The following PAK4 variants were observed in gnomAD, a reference collection of about 807,000 sequenced individuals.
PAK4 encodes serine/threonine-protein kinase PAK 4.
Under a neutral mutation model 53.5 loss-of-function variants are expected in PAK4, and 49 were observed. The ratio of observed to expected loss-of-function variants is 0.92; its 90% confidence interval spans 0.73 to 1.16. The LOEUF (loss-of-function observed/expected upper bound fraction) is 1.16. PAK4 is among the 50% of genes most tolerant of loss of function. PAK4 has a pLI of 0.00. For missense variants in PAK4, 824 were observed against 850.7 expected (o/e 0.97, Z 0.39); for synonymous variants, 376 against 375.6 (o/e 1.00, Z -0.01).
At chr19:39,133,178 C>T (rs189650669) in intron 1 of PAK4, among the ~76,000 whole-genome samples, 6 of 152,300 alleles carry the variant, frequency 3.9e-5, no homozygotes, top group East Asian at 1.9e-4. Flanking sequence ...TCTCTGTGCC[C>T]GGGTGTCCTC....
intron 2 of PAK4, 84 bp from the exon 4 acceptor site, chr19:39,172,834 C>G: frequency 2.6e-6 from 3 of 1,140,702 alleles, no homozygotes; most frequent in Non-Finnish European, 3.7e-6. Context: ...GTGTGTCGTG[C>G]TGTCCTGTCC....
chr19:39,135,786 G>GCCCCCC lies in PAK4; in HGVS notation c.-23+9872_-23+9873insCCCCCC, dbSNP rs147307039. On this transcript the variant is annotated intron_variant, in intron 1 of 8. Coordinates refer to ENST00000358301, the Ensembl canonical transcript of PAK4. Reference sequence around the variant, plus strand: ...AGATAAGCCGGGCTGGAGGCTCCCGGCCCCCATCTTCCCACAGTGACCCCA... The same window carrying GCCCCCC: ...AGATAAGCCGGGCTGGAGGCTCCCGGCCCCCCCCCCCATCTTCCCACAGTGACCCCA... 2.0e-3 allele frequency among the ~76,000 whole-genome samples: 304 copies of GCCCCCC among 149,012 alleles called. 1 individual carries two copies. Among genetic ancestry groups the GCCCCCC allele is most frequent in the East Asian group, 0.012 (58 of 4,860 alleles).
rs912544068 is a variant in PAK4 at position 39,174,038 on chromosome 19, G to C, written c.1098+28G>C. Reference sequence around the variant, plus strand: ...GCGGGCGCTGCTGCCCTGCCGCCCTGCTGGTCCTCCCACCCCTCCCTCCCA... The same window carrying C: ...GCGGGCGCTGCTGCCCTGCCGCCCTCCTGGTCCTCCCACCCCTCCCTCCCA... On this transcript the variant is annotated intron_variant, in intron 4 of 8. Transcript: ENST00000358301. The C allele has an allele frequency of 2.7e-6, 4 of 1,460,206 alleles. No individual in the cohort carries two copies. In the African/African-American group the frequency reaches 5.6e-5, roughly 21 times the overall value. 90.5% of individuals were successfully genotyped at this position (1,460,206 alleles called of 1,614,324 possible). A position where few individuals can be genotyped will look rare whatever the true frequency, so the allele number is the denominator to read the frequency against.
chr19:39,150,623 C>T (rs1302516167), intron 1 of PAK4, among the ~76,000 whole-genome samples: 1 of 152,110 alleles, frequency 6.6e-6, no homozygotes. Context: ...GGTGGAGTGG[C>T]TCCCACCTGT....
At chr19:39,131,206 G>A (rs2073704023) in intron 1 of PAK4, among the ~76,000 whole-genome samples, 1 of 152,186 alleles carries the variant, frequency 6.6e-6, no homozygotes, top group Non-Finnish European at 1.5e-5. Flanking sequence ...CCCTCCCGTG[G>A]TTTGGAACTG....
chr19:39,147,841 G>GTTTTTTTTTT (rs35845376), intron 1 of PAK4, among the ~76,000 whole-genome samples: 7 of 13,236 alleles, frequency 5.3e-4, no homozygotes, highest in African/African-American at 2.1e-3. Flanking sequence ...TTGTTTTCGG[G>GTTTTTTTTTT]TTTTTTTTTT....
Position 39,173,343 on chromosome 19 carries a change from G to T in PAK4, c.630G>T (p.Arg210Ser). 6.4e-7 allele frequency: 1 copy of T among 1,560,614 alleles called. No individual in the cohort carries two copies. Among genetic ancestry groups the T allele is most frequent in the Non-Finnish European group, 8.7e-7 (1 of 1,150,738 alleles). The change falls in exon 3 of 9, where the codon AGG becomes AGT. Residue 210 changes from arginine to serine, a missense_variant. Physicochemically the swap from Arg to Ser is moderately radical, Grantham distance 110. Coordinates refer to ENST00000358301, the Ensembl canonical transcript of PAK4. This position sits in a 1 kb window ranked among gnomAD's most constrained non-coding sequence, Gnocchi z 6.9. ...GCCGGCCCTTTAACACCTACCCGAGGGCTGACACGGACCACCCATCCCGGG... is the reference window on the plus strand; with the variant it reads ...GCCGGCCCTTTAACACCTACCCGAGTGCTGACACGGACCACCCATCCCGGG...
At chr19:39,170,256 C>T (rs905928849) in intron 2 of PAK4, among the ~76,000 whole-genome samples, 1 of 152,080 alleles carries the variant, frequency 6.6e-6, no homozygotes, top group Admixed American at 6.5e-5. Context: ...AGGCAGAGCC[C>T]AGGGCTGAGG....
rs1018242088 is a variant in PAK4, at chr19:39,178,097, C to T, written c.1620+288C>T. ...TTAGAAGTGGAGGACAGGGCCGGGA[C>T]CTTCCTAGTGGAGGACTTGCCAGGA... On this transcript the variant is annotated intron_variant, in intron 8 of 8. Coordinates refer to ENST00000358301, the Ensembl canonical transcript of PAK4. The surrounding 1 kb of genome is among the most constrained non-coding windows in gnomAD (Gnocchi z 4.4). Among the ~76,000 whole-genome samples the T allele has an allele frequency of 1.3e-5, 2 of 152,116 alleles. No homozygotes were observed. The highest frequency in any genetic ancestry group is 2.9e-5 in the Non-Finnish European group (2 of 68,002).
intron 1 of PAK4, among the ~76,000 whole-genome samples, chr19:39,157,953 C>T (rs907453915): frequency 3.3e-5 from 5 of 152,190 alleles, no homozygotes; most frequent in Non-Finnish European, 5.9e-5. Context: ...CAGCTGCGGA[C>T]ATCTTGCATG....
intron 1 of PAK4, among the ~76,000 whole-genome samples, chr19:39,152,790 G>C (rs2074114411): frequency 6.6e-6 from 1 of 152,142 alleles, no homozygotes; most frequent in Non-Finnish European, 1.5e-5. Flanking sequence ...TCCCATTGGG[G>C]GTCTTGGAAC....
At chr19:39,126,435 T>C (rs1043214824) in intron 1 of PAK4, among the ~76,000 whole-genome samples, 1 of 25,672 alleles carries the variant, frequency 3.9e-5, no homozygotes. Flanking sequence ...GAGGGCGTAT[T>C]GCGGGGGACG....
intron 1 of PAK4, among the ~76,000 whole-genome samples, chr19:39,130,128 G>T (rs1309624049): frequency 2.7e-5 from 4 of 149,784 alleles, no homozygotes; most frequent in South Asian, 2.1e-4. Flanking sequence ...GGCGGGATGT[G>T]GGGGGGACCC....
chr19:39,145,068 A>G (rs1443738263), intron 1 of PAK4, among the ~76,000 whole-genome samples: 12 of 152,004 alleles, frequency 7.9e-5, no homozygotes, highest in Non-Finnish European at 1.5e-5. Context: ...TGCCCTTCCC[A>G]GTGCTAACAA....
At chr19:39,157,507 G>T (rs186502816) in intron 1 of PAK4, among the ~76,000 whole-genome samples, 1 of 152,120 alleles carries the variant, frequency 6.6e-6, no homozygotes, top group Non-Finnish European at 1.5e-5. Flanking sequence ...CATTTGCTGC[G>T]CATGTACTCT....
intron 1 of PAK4, among the ~76,000 whole-genome samples, chr19:39,139,020 C>T (rs1022907842): frequency 5.9e-5 from 9 of 152,150 alleles, no homozygotes; most frequent in East Asian, 3.9e-4. Flanking sequence ...AGATTACAGC[C>T]GATTCCTCCC....
At position 39,173,314 on chromosome 19, in the gene PAK4, G is replaced by A. The variant is rs750995473; in HGVS notation, c.601G>A (p.Ala201Thr). Residue 201 changes from alanine (A) to threonine (T), a missense_variant, in exon 3 of 9, where the codon GCT becomes ACT. Physicochemically the swap from Ala to Thr is moderately conservative, Grantham distance 58. This residue lies in a region of PAK4 where 478 missense variants were observed against 435.8 expected (regional missense o/e 1.10). Coordinates refer to ENST00000358301, the Ensembl canonical transcript of PAK4. This position sits in a 1 kb window ranked among gnomAD's most constrained non-coding sequence, Gnocchi z 6.9. ...TCTGGCCAGTGGGGCGAAACTGGCA[G>A]CTGGCCGGCCCTTTAACACCTACCC... The A allele has an allele frequency of 6.3e-7, 1 of 1,599,048 alleles. No individual in the cohort carries two copies. Among genetic ancestry groups the A allele is most frequent in the Admixed American group, 1.7e-5 (1 of 58,274 alleles).
chr19:39,154,165 T>C (rs1381634591), intron 1 of PAK4, among the ~76,000 whole-genome samples: 2 of 152,094 alleles, frequency 1.3e-5, no homozygotes, highest in Non-Finnish European at 2.9e-5. Context: ...TCTAGTCTCT[T>C]CTCGCGTGTG....
At chr19:39,152,124 G>A (rs1294973653) in intron 1 of PAK4, 2 of 147,968 alleles carry the variant, frequency 1.4e-5, no homozygotes, top group African/African-American at 2.5e-5. Flanking sequence ...TTGTAGAGAC[G>A]AGGTCTCCCT....
Sources: allele counts gnomAD v4.1 joint callset (sites outside exome capture counted in the v4.1 genomes callset), GRCh38; gene constraint gnomAD v4.1.1; regional missense constraint gnomAD v4.1.1; non-coding constraint Gnocchi (gnomAD v3.1); transcripts MANE v1.5; gene names NCBI Gene and HGNC (gene_info 2026-07-23, HGNC 2026-07-21).